Variants in DNAJC13 observed in about 807,000 individuals in gnomAD.
DNAJC13 encodes DnaJ heat shock protein family (Hsp40) member C13.
In DNAJC13, 75 loss-of-function variants were observed where a neutral mutation model predicts 290.5. The observed-to-expected ratio is 0.26, with a 90% CI of 0.21 to 0.31. The LOEUF is 0.31. Ranked by LOEUF, DNAJC13 falls within the 10% of genes least tolerant of loss-of-function variation. The pLI, the probability that DNAJC13 is intolerant of heterozygous loss-of-function variation, is 1.00. For synonymous variants in DNAJC13, 862 were observed against 892.0 expected (o/e 0.97, Z 0.60); for missense variants, 2,260 against 2,674.5 (o/e 0.85, Z 3.42).
At chr3:132,474,811 T>A (rs1934408073) in intron 21 of DNAJC13, 121 bp from the exon 22 acceptor site, 1 of 300,504 alleles carries the variant, frequency 3.3e-6, no homozygotes, top group Non-Finnish European at 5.7e-6. Context: ...TGCTAAAATC[T>A]ATTCCCCCCC....
At chr3:132,477,723 C>A (rs1934520106) in intron 22 of DNAJC13, 66 bp from the exon 23 acceptor site, 28 of 1,114,346 alleles carry the variant, frequency 2.5e-5, no homozygotes, top group Middle Eastern at 2.1e-4. Context: ...CTATAAGAAA[C>A]AATTATTAGA....
intron 46 of DNAJC13, among the ~76,000 whole-genome samples, chr3:132,516,075 T>A (rs1935911586): frequency 6.6e-6 from 1 of 152,210 alleles, no homozygotes; most frequent in Non-Finnish European, 1.5e-5. Context: ...GATGCCTGAT[T>A]AGAGTGTCCT....
chr3:132,468,780 A>C (rs748970915), intron 20 of DNAJC13, among the ~76,000 whole-genome samples: 20 of 152,170 alleles, frequency 1.3e-4, no homozygotes, highest in Admixed American at 4.6e-4. Flanking sequence ...AAATCTACAG[A>C]TATGAATGAT....
intron 1 of DNAJC13, among the ~76,000 whole-genome samples, chr3:132,421,475 TGA>T (rs1938958410): frequency 6.6e-6 from 1 of 152,164 alleles, no homozygotes; most frequent in African/African-American, 2.4e-5. Context: ...TTTGTGTGTG[TGA>T]GAGACAATCT....
intron 35 of DNAJC13, 42 bp from the exon 36 acceptor site, chr3:132,496,486 G>A (rs750293383): frequency 2.6e-5 from 39 of 1,500,136 alleles, no homozygotes; most frequent in Non-Finnish European, 3.3e-5. Flanking sequence ...TGAATTTTGC[G>A]ACATTCCAAA....
At chr3:132,458,882 TTTC>T (rs1358472793) in intron 13 of DNAJC13, among the ~76,000 whole-genome samples, 1 of 152,232 alleles carries the variant, frequency 6.6e-6, no homozygotes, top group Admixed American at 6.5e-5. Flanking sequence ...TTCTTAGCAA[TTTC>T]TTCTTTGAAT....
chr3:132,440,192 G>A (rs1311216267), intron 2 of DNAJC13, among the ~76,000 whole-genome samples: 1 of 152,212 alleles, frequency 6.6e-6, no homozygotes, highest in East Asian at 1.9e-4. Flanking sequence ...AGGAGGCGGA[G>A]GTTGCAGTGA....
At chr3:132,509,831 A>G (rs750101272) in intron 43 of DNAJC13, among the ~76,000 whole-genome samples, 3 of 152,194 alleles carry the variant, frequency 2.0e-5, no homozygotes, top group Admixed American at 6.5e-5. Context: ...ACATGATACT[A>G]TTGTACACTT....
intron 41 of DNAJC13, 99 bp from the exon 42 acceptor site, chr3:132,505,203 A>G: frequency 1.4e-6 from 1 of 698,140 alleles, no homozygotes; most frequent in Non-Finnish European, 2.5e-6. Flanking sequence ...ACTATAGGCA[A>G]CTATTATAGT....
At chr3:132,443,990 A>G (rs978866645) in intron 2 of DNAJC13, among the ~76,000 whole-genome samples, 10 of 152,282 alleles carry the variant, frequency 6.6e-5, no homozygotes, top group African/African-American at 1.7e-4. Flanking sequence ...CAAGTGCTCA[A>G]TAGGTACACT....
At chr3:132,508,952 C>T (rs1182142781) in intron 43 of DNAJC13, among the ~76,000 whole-genome samples, 2 of 152,204 alleles carry the variant, frequency 1.3e-5, no homozygotes, top group African/African-American at 2.4e-5. Context: ...CACCTGGTCA[C>T]CCAAGAGCTC....
intron 2 of DNAJC13, among the ~76,000 whole-genome samples, chr3:132,435,345 T>G (rs1334971453): frequency 6.6e-6 from 1 of 152,152 alleles, no homozygotes; most frequent in Non-Finnish European, 1.5e-5. Flanking sequence ...GTGTCACACT[T>G]TTACAAATCA....
At chr3:132,467,597 C>G (rs1379479863) in intron 20 of DNAJC13, among the ~76,000 whole-genome samples, 1 of 152,120 alleles carries the variant, frequency 6.6e-6, no homozygotes, top group Non-Finnish European at 1.5e-5. Flanking sequence ...TCCCGAGTAG[C>G]TGGGACTACA....
intron 20 of DNAJC13, among the ~76,000 whole-genome samples, chr3:132,468,449 T>C (rs751599339): frequency 2.6e-5 from 4 of 152,336 alleles, no homozygotes; most frequent in East Asian, 1.9e-4. Flanking sequence ...TTCAATTCTT[T>C]AGAGCTCCAG....
intron 55 of DNAJC13, among the ~76,000 whole-genome samples, chr3:132,536,804 A>C (rs1253901181): frequency 6.6e-6 from 1 of 152,138 alleles, no homozygotes; most frequent in Non-Finnish European, 1.5e-5. Flanking sequence ...TGGCATCCTG[A>C]TTGGCTCAAG....
chr3:132,531,235 C>G, intron 55 of DNAJC13, 138 bp downstream of exon 55: 1 of 673,878 alleles, frequency 1.5e-6, no homozygotes, highest in African/African-American at 1.8e-5. Context: ...GTGCTATGAG[C>G]ATGTAGTAGA....
chr3:132,470,572 G>A (rs1934171559), intron 20 of DNAJC13, among the ~76,000 whole-genome samples: 1 of 141,270 alleles, frequency 7.1e-6, no homozygotes, highest in Non-Finnish European at 1.6e-5. Flanking sequence ...GCCGGGCAGA[G>A]GCGCCCCTCA....
chr3:132,503,964 A>G (rs901870095), intron 41 of DNAJC13, among the ~76,000 whole-genome samples: 10 of 145,344 alleles, frequency 6.9e-5, no homozygotes, highest in African/African-American at 2.5e-4. Context: ...ACAGGTTACT[A>G]TTATCCTTTA....
chr3:132,487,039 G>C (rs979172980), intron 29 of DNAJC13, among the ~76,000 whole-genome samples: 1 of 151,944 alleles, frequency 6.6e-6, no homozygotes, highest in African/African-American at 2.4e-5. Context: ...TAACACTAGG[G>C]AAAATTCTAT....
Sources: gnomAD v4.1 joint callset for allele counts (sites outside exome capture counted in the v4.1 genomes callset) on GRCh38, gnomAD v4.1.1 for gene constraint, MANE v1.5 for transcripts, NCBI Gene and HGNC (gene_info 2026-07-23, HGNC 2026-07-21) for gene names.